RRAGC: variants seen among roughly 807,000 people sequenced by gnomAD.
RRAGC encodes the protein ras-related GTP-binding protein C.
RRAGC carries 8 observed loss-of-function variants against 37.1 expected under a neutral mutation model. The observed-to-expected ratio is 0.22, with a 90% CI of 0.13 to 0.39. The LOEUF (loss-of-function observed/expected upper bound fraction) is 0.39, where lower values mean the gene tolerates loss of function less well. Ranked by LOEUF, RRAGC falls within the 10% of genes least tolerant of loss-of-function variation. The pLI is 1.00. For missense variants in RRAGC, 342 were observed against 497.6 expected (o/e 0.69, Z 2.98); for synonymous variants, 190 against 181.1 (o/e 1.05, Z -0.39).
chr1:38,856,891 G>C lies in RRAGC; in HGVS notation c.429C>G (p.Val143=). Reference sequence around the variant, plus strand: ...CATTACTGACTACCTGTGCGTCAATGACGTATATCAATGCTCCTGTTCCCC... The same window carrying C: ...CATTACTGACTACCTGTGCGTCAATCACGTATATCAATGCTCCTGTTCCCC... ...IFRGTGALIY[V]IDAQDDYMEA... The change falls in exon 2 of 7, where the codon GTC becomes GTG. Residue 143 remains valine, a synonymous_variant. Coordinates refer to ENST00000373001, the MANE Select transcript of RRAGC (RefSeq NM_022157.4). 1.2e-6 allele frequency: 2 copies of C among 1,614,048 alleles called. No individual in the cohort carries two copies.
intron 4 of RRAGC, 58 bp from the exon 5 acceptor site, chr1:38,851,815 T>C: frequency 6.8e-7 from 1 of 1,474,872 alleles, no homozygotes; most frequent in Non-Finnish European, 9.4e-7. Context: ...ATTTACAACT[T>C]ATCGAAGATC....
At chr1:38,844,169 G>A (rs1054305156) in intron 6 of RRAGC, among the ~76,000 whole-genome samples, 4 of 152,052 alleles carry the variant, frequency 2.6e-5, no homozygotes, top group East Asian at 1.9e-4. Context: ...AGAAACTCGC[G>A]TAACTAGTGA....
intron 4 of RRAGC, 87 bp from the exon 5 acceptor site, chr1:38,851,844 T>C: frequency 8.2e-7 from 1 of 1,213,362 alleles, no homozygotes; most frequent in Non-Finnish European, 1.2e-6. Context: ...CTGAATAACA[T>C]CCAAGGTCAT....
chr1:38,855,297 C>T (rs1642155229), intron 3 of RRAGC, among the ~76,000 whole-genome samples: 1 of 152,164 alleles, frequency 6.6e-6, no homozygotes, highest in African/African-American at 2.4e-5. Context: ...TAAGGCTGTT[C>T]CTACTGAGAA....
intron 5 of RRAGC, among the ~76,000 whole-genome samples, chr1:38,851,000 C>G (rs1642095368): frequency 1.3e-5 from 2 of 152,294 alleles, no homozygotes; most frequent in South Asian, 4.1e-4. Context: ...CAGTAATTCT[C>G]CAAAGTTTTC....
intron 5 of RRAGC, among the ~76,000 whole-genome samples, chr1:38,849,743 TAC>T (rs1483671529): frequency 1.4e-4 from 21 of 152,324 alleles, no homozygotes; most frequent in African/African-American, 5.1e-4. Flanking sequence ...AAATAAATTT[TAC>T]AGTTAAATTT....
At chr1:38,841,036 G>C (rs1324594773) in intron 6 of RRAGC, among the ~76,000 whole-genome samples, 1 of 152,184 alleles carries the variant, frequency 6.6e-6, no homozygotes, top group African/African-American at 2.4e-5. Context: ...AATCTGCAGA[G>C]ACAAAATGAT....
At chr1:38,857,355 C>T (rs1451664830) in intron 1 of RRAGC, among the ~76,000 whole-genome samples, 1 of 152,190 alleles carries the variant, frequency 6.6e-6, no homozygotes, top group Non-Finnish European at 1.5e-5. Context: ...CAATCTCTAT[C>T]ACCTCCATTA....
At chr1:38,847,715 A>C (rs1156804437) in intron 5 of RRAGC, 1 of 152,190 alleles carries the variant, frequency 6.6e-6, no homozygotes, top group Non-Finnish European at 1.5e-5. Context: ...CAACAAGCGA[A>C]AGTAAACTAC....
At chr1:38,855,200 CA>C (rs758858155) in intron 3 of RRAGC, among the ~76,000 whole-genome samples, 2 of 151,956 alleles carry the variant, frequency 1.3e-5, no homozygotes, top group African/African-American at 2.4e-5. Flanking sequence ...ACAGTCAGTC[CA>C]GGGGGGAGGT....
chr1:38,855,769 C>T lies in RRAGC; in HGVS notation c.580G>A (p.Asp194Asn). 6.2e-7 allele frequency: 1 copy of T among 1,614,058 alleles called. No homozygotes were observed. The highest frequency in any genetic ancestry group is 8.5e-7 in the Non-Finnish European group (1 of 1,179,970). ...TCATCATTGGCCCTTTGATGAATGT[C>T]CCTCTGTGTTTCTATTTTGTGATCA... is the stretch of plus-strand genomic sequence containing the variant. ...SDDHKIETQRDIHQRANDDLA... is the reference protein window; with the variant it reads ...SDDHKIETQRNIHQRANDDLA... Residue 194 changes from aspartate to asparagine, a missense_variant, in exon 3 of 7, where the codon GAC becomes AAC. Asp to Asn is a conservative substitution (Grantham distance 23). Around this residue, in one of 3 missense-constraint regions of RRAGC, gnomAD observed 134 missense variants for 277.2 expected, o/e 0.48. Coordinates refer to ENST00000373001, the MANE Select transcript of RRAGC (RefSeq NM_022157.4).
chr1:38,839,027 A>T lies in RRAGC; in HGVS notation c.*526T>A, dbSNP rs1553153234. On this transcript the variant is annotated 3_prime_UTR_variant, in exon 7 of 7. Coordinates refer to ENST00000373001, the MANE Select transcript of RRAGC (RefSeq NM_022157.4). ...ATATAGGAATGTCTTGCTGCAGACT[A>T]TGTGTCTTCCGAGTTAGCAAGCAAA... 1 of 152,362 alleles carries T rather than the reference A, an allele frequency of 6.6e-6. No individual in the cohort carries two copies. The highest frequency in any genetic ancestry group is 1.5e-5 in the Non-Finnish European group (1 of 68,146). The allele number at this position is 152,362 out of a possible 1,614,324, so 9.4% of individuals were successfully genotyped here.
intron 3 of RRAGC, among the ~76,000 whole-genome samples, chr1:38,853,393 T>A (rs993602026): frequency 1.3e-5 from 2 of 152,210 alleles, no homozygotes; most frequent in African/African-American, 4.8e-5. Context: ...TATAGTCGCA[T>A]CCACCACACA....
chr1:38,858,343 T>A (rs1464993437), intron 1 of RRAGC, among the ~76,000 whole-genome samples: 1 of 152,208 alleles, frequency 6.6e-6, no homozygotes, highest in Non-Finnish European at 1.5e-5. Flanking sequence ...TATTACCAGC[T>A]CACTCCGCGT....
chr1:38,848,063 A>G (rs966556660), intron 5 of RRAGC: 8 of 151,200 alleles, frequency 5.3e-5, no homozygotes, highest in African/African-American at 1.9e-4. Flanking sequence ...GTAGGAACTG[A>G]AGTTCATTAA....
intron 6 of RRAGC, among the ~76,000 whole-genome samples, chr1:38,841,988 T>C (rs1012392440): frequency 3.3e-5 from 5 of 151,942 alleles, no homozygotes; most frequent in Non-Finnish European, 7.4e-5. Context: ...TACAAAAAAT[T>C]AGCTGGGGGC....
chr1:38,840,556 A>G (rs972355830), intron 6 of RRAGC, among the ~76,000 whole-genome samples: 11 of 152,252 alleles, frequency 7.2e-5, no homozygotes, highest in Admixed American at 3.9e-4. Flanking sequence ...AAGGAAATCC[A>G]AAGAAAAAGC....
rs965783989 is a variant in RRAGC at position 38,839,581 on chromosome 1, T to A, written c.1172A>T (p.His391Leu). ...TSASSLKALT[H>L]NGTPRNAI is the part of the protein sequence containing the mutation. ...GATGGCGTTTCGTGGCGTGCCATTGTGTGTCAGCGCTTTCAGACTGGAGGC... is the reference window on the plus strand; with the variant it reads ...GATGGCGTTTCGTGGCGTGCCATTGAGTGTCAGCGCTTTCAGACTGGAGGC... Residue 391 changes from histidine (H) to leucine (L), a missense_variant, in exon 7 of 7, where the codon CAC becomes CTC. Transcript: ENST00000373001. The A allele has an allele frequency of 1.2e-6, 2 of 1,613,968 alleles. No homozygotes were observed. The highest frequency in any genetic ancestry group is 1.3e-5 in the African/African-American group (1 of 74,890).
At position 38,839,374 on chromosome 1, in the gene RRAGC, C is replaced by G; in HGVS notation, c.*179G>C. ...GCCATTTTCAAAAAAGATATAGTAG[C>G]TTCAGTTGTACACCACCAGTTGAAG... On this transcript the variant is annotated 3_prime_UTR_variant, in exon 7 of 7. Transcript: ENST00000373001. 2.2e-6 allele frequency: 1 copy of G among 448,740 alleles called. No homozygotes were observed. The highest frequency in any genetic ancestry group is 3.9e-5 in the Admixed American group (1 of 25,794). The allele number at this position is 448,740 out of a possible 1,614,324, so 27.8% of individuals were successfully genotyped here. A position where few individuals can be genotyped will look rare whatever the true frequency, so the allele number is the denominator to read the frequency against.
Sources: allele counts gnomAD v4.1 joint callset (sites outside exome capture counted in the v4.1 genomes callset), GRCh38; gene constraint gnomAD v4.1.1; regional missense constraint gnomAD v4.1.1; transcripts MANE v1.5; gene names NCBI Gene and HGNC (gene_info 2026-07-23, HGNC 2026-07-21).